The following GALNT17 variants were observed in gnomAD, a reference collection of about 807,000 sequenced individuals.
GALNT17 encodes polypeptide N-acetylgalactosaminyltransferase 17.
GALNT17 carries 29 observed loss-of-function variants against 63.7 expected under a neutral mutation model. The observed-to-expected ratio is 0.46, with a 90% CI of 0.34 to 0.62. The LOEUF (loss-of-function observed/expected upper bound fraction) is 0.62. Among genes scored for constraint, GALNT17 ranks in the 20% least tolerant of loss-of-function variants. The pLI is 0.01. For missense variants in GALNT17, 603 were observed against 799.6 expected, an observed-to-expected ratio of 0.75 and a Z score of 2.97; for synonymous variants, 305 against 318.3, an observed-to-expected ratio of 0.96 and a Z score of 0.45.
rs558904005 is a variant in GALNT17 at position 71,363,798 on chromosome 7, A to G, written c.423-24437A>G. Among the ~76,000 whole-genome samples the G allele has an allele frequency of 1.8e-4, 28 of 152,336 alleles. No individual in the cohort carries two copies. In the South Asian group the frequency reaches 5.8e-3, roughly 32 times the overall value. On this transcript the variant is annotated intron_variant, in intron 2 of 10. Transcript: ENST00000333538. ...GGTGGACGGAAAACAGAAGCAAGGTAGAGAAGCAGCTTCTTGATTACAGCT... is the reference window on the plus strand; with the variant it reads ...GGTGGACGGAAAACAGAAGCAAGGTGGAGAAGCAGCTTCTTGATTACAGCT...
chr7:71,273,672 AT>A (rs1790632126), intron 1 of GALNT17, among the ~76,000 whole-genome samples: 1 of 152,190 alleles, frequency 6.6e-6, no homozygotes, highest in Admixed American at 6.5e-5. Context: ...CCTAATTCTC[AT>A]TTGTACTTTA....
At chr7:71,209,913 T>G (rs1429676935) in intron 1 of GALNT17, among the ~76,000 whole-genome samples, 1 of 148,692 alleles carries the variant, frequency 6.7e-6, no homozygotes, top group Non-Finnish European at 1.5e-5. Flanking sequence ...TGTTGTGATA[T>G]TTATTTATTT....
chr7:71,588,582 G>A (rs1009021710), intron 6 of GALNT17, among the ~76,000 whole-genome samples: 1 of 152,092 alleles, frequency 6.6e-6, no homozygotes, highest in African/African-American at 2.4e-5. Flanking sequence ...TAAAATTTTA[G>A]CATTCTTTAG....
At chr7:71,420,132 C>T (rs74408829) in intron 4 of GALNT17, among the ~76,000 whole-genome samples, 5,576 of 152,196 alleles carry the variant, frequency 0.037, 171 homozygotes, top group East Asian at 0.12. Flanking sequence ...TCCCTTCCCG[C>T]GCCTGCCTCG....
intron 1 of GALNT17, among the ~76,000 whole-genome samples, chr7:71,196,907 G>A (rs1789060407): frequency 6.6e-6 from 1 of 151,990 alleles, no homozygotes; most frequent in Admixed American, 6.6e-5. Flanking sequence ...GCCTTCCTTG[G>A]CCTCCCAAAG....
intron 1 of GALNT17, among the ~76,000 whole-genome samples, chr7:71,150,574 G>A (rs1445874168): frequency 7.4e-5 from 11 of 149,014 alleles, no homozygotes; most frequent in South Asian, 2.1e-4. Flanking sequence ...GCAGTGGTGC[G>A]ACCTCGGCTC....
intron 5 of GALNT17, among the ~76,000 whole-genome samples, chr7:71,443,946 C>G (rs1054149733): frequency 1.3e-5 from 2 of 152,130 alleles, no homozygotes; most frequent in African/African-American, 4.8e-5. Flanking sequence ...AGGCTGGTCT[C>G]GAACTTTTGA....
intron 5 of GALNT17, among the ~76,000 whole-genome samples, chr7:71,559,983 C>T (rs1789227273): frequency 6.6e-6 from 1 of 151,522 alleles, no homozygotes; most frequent in Admixed American, 6.6e-5. Context: ...ATCGCGAGGT[C>T]AGGAGTTCGA....
intron 5 of GALNT17, among the ~76,000 whole-genome samples, 179 bp from the exon 6 acceptor site, chr7:71,571,088 TGGAACCCAGTACATGCTA>T (rs1486036964): frequency 1.9e-5 from 2 of 107,614 alleles, no homozygotes; most frequent in African/African-American, 5.9e-5. Context: ...CATGCTAGGC[TGGAACCCAGTACATGCTA>T]GGCTGGAACC....
intron 1 of GALNT17, among the ~76,000 whole-genome samples, chr7:71,219,128 C>T (rs1442134720): frequency 2.0e-5 from 3 of 152,122 alleles, no homozygotes; most frequent in Non-Finnish European, 4.4e-5. Flanking sequence ...ATATTTGCAG[C>T]AACTCTATTA....
intron 1 of GALNT17, among the ~76,000 whole-genome samples, chr7:71,164,707 G>A (rs1213830828): frequency 1.3e-5 from 2 of 152,198 alleles, no homozygotes; most frequent in Non-Finnish European, 2.9e-5. Context: ...GTGTGTGTGT[G>A]TGCATGTGAC....
At chr7:71,673,406 G>C (rs1791101153) in intron 8 of GALNT17, among the ~76,000 whole-genome samples, 1 of 152,060 alleles carries the variant, frequency 6.6e-6, no homozygotes, top group Non-Finnish European at 1.5e-5. Flanking sequence ...TGCTTAAGAG[G>C]AAAAAACTCA....
At chr7:71,628,741 G>T (rs1039560185) in intron 6 of GALNT17, among the ~76,000 whole-genome samples, 1 of 148,156 alleles carries the variant, frequency 6.7e-6, no homozygotes, top group East Asian at 2.3e-4. Flanking sequence ...GACCAGCCTG[G>T]CCAACATGGT....
chr7:71,582,139 A>G (rs527461303), intron 6 of GALNT17, among the ~76,000 whole-genome samples: 23 of 152,316 alleles, frequency 1.5e-4, no homozygotes, highest in African/African-American at 5.5e-4. Context: ...TTGATCCAGC[A>G]GTCCCACTAC....
chr7:71,211,844 C>T (rs1789383753), intron 1 of GALNT17, among the ~76,000 whole-genome samples: 2 of 152,178 alleles, frequency 1.3e-5, no homozygotes, highest in African/African-American at 4.8e-5. Flanking sequence ...TTTACAGTAT[C>T]TGGCGGAAGA....
intron 2 of GALNT17, among the ~76,000 whole-genome samples, chr7:71,357,767 G>T (rs1792315012): frequency 1.3e-5 from 2 of 152,186 alleles, no homozygotes; most frequent in African/African-American, 2.4e-5. Context: ...ACTGGGTTGA[G>T]TGGGGACTTG....
intron 5 of GALNT17, among the ~76,000 whole-genome samples, chr7:71,495,156 G>A (rs1584001932): frequency 6.6e-6 from 1 of 152,148 alleles, no homozygotes. Context: ...CACACCTGTA[G>A]TCCCAGCTAC....
At chr7:71,609,601 G>C (rs1790095492) in intron 6 of GALNT17, among the ~76,000 whole-genome samples, 1 of 152,144 alleles carries the variant, frequency 6.6e-6, no homozygotes, top group Admixed American at 6.5e-5. Context: ...GAGATGCTTT[G>C]ATACGGGCAT....
chr7:71,526,726 G>A (rs1788631101), intron 5 of GALNT17, among the ~76,000 whole-genome samples: 1 of 152,046 alleles, frequency 6.6e-6, no homozygotes, highest in African/African-American at 2.4e-5. Flanking sequence ...CACCATGTTG[G>A]CCAGTCTAGT....
Sources: allele counts gnomAD v4.1 joint callset (sites outside exome capture counted in the v4.1 genomes callset), GRCh38; gene constraint gnomAD v4.1.1; transcripts MANE v1.5; gene names NCBI Gene and HGNC (gene_info 2026-07-23, HGNC 2026-07-21).